Variants in TDRD5 observed in about 807,000 individuals in gnomAD.
TDRD5 encodes the protein tudor domain containing 5.
A neutral mutation model predicts 120.6 loss-of-function variants in TDRD5; 41 were observed. The ratio of observed to expected loss-of-function variants is 0.34; its 90% CI spans 0.26 to 0.44. TDRD5 has a LOEUF of 0.44. Among genes scored for constraint, TDRD5 ranks in the 20% least tolerant of loss-of-function variants. The pLI, the probability that TDRD5 is intolerant of heterozygous loss-of-function variation, is 1.00. For missense variants in TDRD5, 1,006 were observed against 1,221.2 expected (o/e 0.82, Z 2.63); for synonymous variants, 430 against 433.7 (o/e 0.99, Z 0.11).
chr1:179,649,330 TATCTC>T (rs1299455416), intron 11 of TDRD5, among the ~76,000 whole-genome samples: 1 of 152,280 alleles, frequency 6.6e-6, no homozygotes, highest in East Asian at 1.9e-4. Context: ...GTATTCTTCT[TATCTC>T]TGCTGCTTTT....
rs778382702 is a variant in TDRD5 at position 179,652,130 on chromosome 1, A to G, written c.2093A>G (p.Gln698Arg). Residue 698 changes from glutamine to arginine, a missense_variant, in exon 13 of 18, where the codon CAG (glutamine) becomes CGG (arginine). By Grantham distance (43) the Gln-to-Arg change is conservative. Transcript: ENST00000444136. The part of the protein sequence containing the change: ...IVLTELGYPS[Q>R]QHYFNEDRKI... ...TTGACAGAACTGGGTTATCCTTCCC[A>G]GCAGCACTATTTTAATGAAGACCGA... 23 of 1,614,078 alleles carry G rather than the reference A, an allele frequency of 1.4e-5. No individual in the cohort carries two copies. In the South Asian group the frequency reaches 2.5e-4, roughly 18 times the overall value.
intron 8 of TDRD5, 35 bp from the exon 9 acceptor site, chr1:179,635,632 C>T: frequency 1.9e-6 from 3 of 1,581,024 alleles, no homozygotes; most frequent in Non-Finnish European, 2.6e-6. Flanking sequence ...GAAATGTCAC[C>T]AAGAGATTTT....
At chr1:179,671,998 C>T (rs1457651047) in intron 17 of TDRD5, among the ~76,000 whole-genome samples, 4 of 143,744 alleles carry the variant, frequency 2.8e-5, no homozygotes, top group Admixed American at 6.9e-5. Context: ...GTGTGTATCA[C>T]ATTTTCTTTA....
chr1:179,656,827 G>A (rs935462627), intron 14 of TDRD5, among the ~76,000 whole-genome samples: 5 of 152,170 alleles, frequency 3.3e-5, no homozygotes, highest in African/African-American at 9.7e-5. Flanking sequence ...CAAGGTGGGT[G>A]GATTACCTGA....
chr1:179,653,303 C>T (rs1678819521), intron 13 of TDRD5, among the ~76,000 whole-genome samples: 1 of 151,972 alleles, frequency 6.6e-6, no homozygotes, highest in South Asian at 2.1e-4. Context: ...GTATATCTGA[C>T]TTTTAAAATA....
intron 7 of TDRD5, among the ~76,000 whole-genome samples, chr1:179,631,174 G>A (rs10913842): frequency 0.013 from 2,011 of 152,172 alleles, 55 homozygotes; most frequent in African/African-American, 0.045. Flanking sequence ...GGCGGATCAC[G>A]AGGTCAGGCG....
At chr1:179,675,255 TTTATTA>T (rs1219898193) in intron 17 of TDRD5, among the ~76,000 whole-genome samples, 93 of 116,354 alleles carry the variant, frequency 8.0e-4, no homozygotes, top group Middle Eastern at 5.1e-3. Flanking sequence ...TCAAAGAATT[TTTATTA>T]TTATTATTAT....
chr1:179,599,802 C>T (rs1396139349), intron 4 of TDRD5, among the ~76,000 whole-genome samples: 1 of 152,114 alleles, frequency 6.6e-6, no homozygotes, highest in Admixed American at 6.5e-5. Flanking sequence ...AACAGTAGTT[C>T]CACAAAATTA....
intron 6 of TDRD5, among the ~76,000 whole-genome samples, chr1:179,625,730 A>G (rs886690430): frequency 1.3e-5 from 2 of 152,192 alleles, no homozygotes; most frequent in African/African-American, 4.8e-5. Context: ...ATAGCCTCCC[A>G]AAACTGGAAA....
Position 179,652,107 on chromosome 1 carries a change from G to A in TDRD5, c.2070G>A (p.Leu690=). The change falls in exon 13 of 18, where the codon TTG becomes TTA. Residue 690 remains leucine, a synonymous_variant. Transcript: ENST00000444136. ...TSSGGPEDIV[L]TELGYPSQQH... is the part of the protein sequence containing the mutation. ...GTGGAGGGCCAGAGGACATTGTCTT[G>A]ACAGAACTGGGTTATCCTTCCCAGC... The A allele has an allele frequency of 6.2e-7, 1 of 1,614,030 alleles. No individual in the cohort carries two copies. Among genetic ancestry groups the A allele is most frequent in the African/African-American group, 1.3e-5 (1 of 75,010 alleles).
rs939313514 is a variant in TDRD5 at position 179,654,092 on chromosome 1, G to C, written c.2161-109G>C. On this transcript the variant is annotated intron_variant, in intron 13 of 17. Coordinates refer to ENST00000444136, the MANE Select transcript of TDRD5 (RefSeq NM_001199085.3). The stretch of plus-strand genomic sequence containing the variant: ...ATGGATAAAGCTATAAAATAATGTA[G>C]CATTTGTGTGAACCATAGCAAAAAC... 3.1e-5 allele frequency: 26 copies of C among 847,326 alleles called. No individual in the cohort carries two copies. In the African/African-American group the frequency reaches 4.3e-4, roughly 14 times the overall value. 52.5% of individuals were successfully genotyped at this position (847,326 alleles called of 1,614,324 possible).
At chr1:179,609,063 TATAAG>T (rs1286299198) in intron 4 of TDRD5, among the ~76,000 whole-genome samples, 1 of 152,048 alleles carries the variant, frequency 6.6e-6, no homozygotes, top group African/African-American at 2.4e-5. Context: ...ATGAATAGCT[TATAAG>T]AAGAGACACT....
intron 4 of TDRD5, among the ~76,000 whole-genome samples, chr1:179,607,582 G>A (rs1676044783): frequency 6.6e-6 from 1 of 151,600 alleles, no homozygotes; most frequent in African/African-American, 2.4e-5. Context: ...ATGCCTTAGG[G>A]TTTTCAACCT....
chr1:179,688,296 A>G (rs1406573705), intron 17 of TDRD5, among the ~76,000 whole-genome samples: 1 of 152,056 alleles, frequency 6.6e-6, no homozygotes, highest in African/African-American at 2.4e-5. Flanking sequence ...TTTCTCCTTC[A>G]CTTATGAAGC....
At chr1:179,631,361 C>A (rs767122584) in intron 7 of TDRD5, among the ~76,000 whole-genome samples, 9 of 152,196 alleles carry the variant, frequency 5.9e-5, no homozygotes, top group African/African-American at 2.2e-4. Context: ...CACTGCACTC[C>A]AGCCTGGGTG....
chr1:179,607,912 C>G (rs1676065730), intron 4 of TDRD5, among the ~76,000 whole-genome samples: 1 of 151,952 alleles, frequency 6.6e-6, no homozygotes. Flanking sequence ...GTTTAAATTT[C>G]TCTCCAGTAT....
intron 3 of TDRD5, among the ~76,000 whole-genome samples, 163 bp from the exon 4 acceptor site, chr1:179,595,465 A>G (rs539598704): frequency 4.6e-5 from 7 of 152,276 alleles, no homozygotes; most frequent in African/African-American, 1.4e-4. Flanking sequence ...CTTACACTAT[A>G]TGTAAGTTTT....
intron 4 of TDRD5, among the ~76,000 whole-genome samples, chr1:179,612,464 G>A (rs1381675718): frequency 1.3e-5 from 2 of 152,128 alleles, no homozygotes; most frequent in African/African-American, 4.8e-5. Context: ...TTTTCTAGTG[G>A]GTGAAGCCTC....
At chr1:179,655,432 A>C (rs2102075081) in intron 14 of TDRD5, among the ~76,000 whole-genome samples, 1 of 152,128 alleles carries the variant, frequency 6.6e-6, no homozygotes, top group African/African-American at 2.4e-5. Flanking sequence ...ACTTTTTTTC[A>C]TGTTAATATT....
Sources: allele counts gnomAD v4.1 joint callset (sites outside exome capture counted in the v4.1 genomes callset), GRCh38; gene constraint gnomAD v4.1.1; transcripts MANE v1.5; gene names NCBI Gene and HGNC (gene_info 2026-07-23, HGNC 2026-07-21).